The following DLG2 variants were observed in gnomAD, a reference collection of about 807,000 sequenced individuals.
The protein encoded by DLG2 is disks large homolog 2.
In DLG2, 45 loss-of-function variants were observed where a neutral mutation model predicts 132.5. The observed-to-expected ratio is 0.34, with a 90% CI of 0.27 to 0.44. DLG2 has a LOEUF of 0.44. Ranked by LOEUF, DLG2 falls within the 20% of genes least tolerant of loss-of-function variation. The probability of loss-of-function intolerance (pLI) is 1.00; values close to 1 mark genes in which losing one functional copy is unlikely to be tolerated. For synonymous variants in DLG2, 424 were observed against 419.6 expected (o/e 1.01, Z -0.13); for missense variants, 1,045 against 1,196.9 (o/e 0.87, Z 1.87).
At chr11:84,642,367 G>C (rs2099668478) in intron 6 of DLG2, among the ~76,000 whole-genome samples, 2 of 151,716 alleles carry the variant, frequency 1.3e-5, no homozygotes, top group African/African-American at 4.8e-5. Context: ...AAATTGCATA[G>C]GAATAAATTT....
rs765389990 is a variant in DLG2 at position 84,534,747 on chromosome 11, A to G, written c.358-16T>C. 8.1e-6 allele frequency: 13 copies of G among 1,613,340 alleles called. No homozygotes were observed. Among genetic ancestry groups the G allele is most frequent in the Non-Finnish European group, 9.3e-6 (11 of 1,179,306 alleles). ...ATCGATACTTCTAGGAGAAAAGAAA[A>G]GAAAGGACAAGTATGTATATATCAG... On this transcript the variant is annotated splice_polypyrimidine_tract_variant and intron_variant, in intron 6 of 27. Transcript: ENST00000376104.
intron 6 of DLG2, among the ~76,000 whole-genome samples, chr11:84,560,332 A>C (rs553753196): frequency 2.0e-5 from 3 of 152,272 alleles, no homozygotes; most frequent in African/African-American, 4.8e-5. Context: ...ATTCAAGTGA[A>C]TAACTCAGTC....
At chr11:83,581,127 TGA>T (rs1176220358) in intron 19 of DLG2, among the ~76,000 whole-genome samples, 1 of 151,962 alleles carries the variant, frequency 6.6e-6, no homozygotes, top group Non-Finnish European at 1.5e-5. Flanking sequence ...GTTCGAAGGC[TGA>T]GAGAGTCTTG....
At chr11:83,679,000 G>A (rs1401406183) in intron 18 of DLG2, among the ~76,000 whole-genome samples, 1 of 152,090 alleles carries the variant, frequency 6.6e-6, no homozygotes, top group African/African-American at 2.4e-5. Flanking sequence ...CATATGAGGA[G>A]AGGAATCAAA....
At chr11:84,388,272 G>A (rs940041149) in intron 7 of DLG2, among the ~76,000 whole-genome samples, 4 of 152,094 alleles carry the variant, frequency 2.6e-5, no homozygotes, top group Non-Finnish European at 4.4e-5. Flanking sequence ...ATCCTATTGC[G>A]TGATCTAAAC....
At chr11:85,616,651 G>C (rs927128408) in intron 2 of DLG2, among the ~76,000 whole-genome samples, 1 of 152,012 alleles carries the variant, frequency 6.6e-6, no homozygotes, top group Admixed American at 6.6e-5. Flanking sequence ...GAGATTCTCG[G>C]GTACAGGCAG....
At chr11:84,192,121 TGATACAGAA>T (rs1470800208) in intron 8 of DLG2, among the ~76,000 whole-genome samples, 1 of 152,056 alleles carries the variant, frequency 6.6e-6, no homozygotes, top group African/African-American at 2.4e-5. Flanking sequence ...AAAACTAATG[TGATACAGAA>T]GATAAGGAAA....
intron 3 of DLG2, among the ~76,000 whole-genome samples, chr11:85,560,238 C>T (rs1473016683): frequency 6.6e-6 from 1 of 151,680 alleles, no homozygotes; most frequent in Non-Finnish European, 1.5e-5. Flanking sequence ...TAGGAATCTA[C>T]CAAAGACAAA....
intron 6 of DLG2, among the ~76,000 whole-genome samples, chr11:84,899,085 CAGAAT>C (rs1273877325): frequency 6.6e-6 from 1 of 151,942 alleles, no homozygotes; most frequent in Non-Finnish European, 1.5e-5. Flanking sequence ...TTCCGGCCAA[CAGAAT>C]AGATCACTAA....
intron 3 of DLG2, among the ~76,000 whole-genome samples, chr11:85,330,544 G>A (rs1393090105): frequency 1.1e-5 from 1 of 93,124 alleles, no homozygotes; most frequent in African/African-American, 4.1e-5. Context: ...ACCAAACACC[G>A]CATATTCTCA....
intron 18 of DLG2, among the ~76,000 whole-genome samples, chr11:83,765,431 T>C (rs960899223): frequency 6.6e-6 from 1 of 152,234 alleles, no homozygotes; most frequent in Non-Finnish European, 1.5e-5. Flanking sequence ...TTCCATACTA[T>C]AAATACATTC....
chr11:85,396,951 A>G (rs1423186798), intron 3 of DLG2, among the ~76,000 whole-genome samples: 1 of 152,188 alleles, frequency 6.6e-6, no homozygotes, highest in African/African-American at 2.4e-5. Context: ...CTCCTCGAGA[A>G]GAGCAACCCC....
intron 8 of DLG2, among the ~76,000 whole-genome samples, chr11:84,202,687 T>C (rs1423931205): frequency 1.3e-5 from 2 of 151,970 alleles, no homozygotes; most frequent in East Asian, 1.9e-4. Context: ...AGACAACATA[T>C]AAAATGGGAG....
intron 7 of DLG2, among the ~76,000 whole-genome samples, chr11:84,423,215 C>A (rs924912710): frequency 1.3e-5 from 2 of 151,978 alleles, no homozygotes; most frequent in Non-Finnish European, 2.9e-5. Flanking sequence ...GTATTTAATG[C>A]CCATAATTCT....
chr11:85,626,327 A>C (rs2082027201), intron 2 of DLG2, among the ~76,000 whole-genome samples: 1 of 152,214 alleles, frequency 6.6e-6, no homozygotes, highest in Non-Finnish European at 1.5e-5. Context: ...GGAGACTCCA[A>C]ATCTGCGGTA....
At chr11:85,150,309 C>T (rs1276915924) in intron 5 of DLG2, among the ~76,000 whole-genome samples, 5 of 152,120 alleles carry the variant, frequency 3.3e-5, no homozygotes, top group East Asian at 1.9e-4. Context: ...CGTGAGCCAC[C>T]GTGCCCGGCC....
At chr11:84,847,072 G>C (rs945154222) in intron 6 of DLG2, among the ~76,000 whole-genome samples, 1 of 152,068 alleles carries the variant, frequency 6.6e-6, no homozygotes, top group Non-Finnish European at 1.5e-5. Context: ...AGAAACATGA[G>C]AGAGAATAAT....
At chr11:83,963,233 G>A (rs185533149) in intron 13 of DLG2, among the ~76,000 whole-genome samples, 4 of 152,060 alleles carry the variant, frequency 2.6e-5, no homozygotes, top group Admixed American at 2.6e-4. Context: ...CTTAATAATA[G>A]TTAAGTCTGT....
intron 4 of DLG2, among the ~76,000 whole-genome samples, chr11:85,160,484 G>C (rs1364499835): frequency 6.6e-6 from 1 of 152,152 alleles, no homozygotes; most frequent in Admixed American, 6.5e-5. Context: ...CCTGTTATTG[G>C]GCTTTAGTGG....
Sources: allele counts gnomAD v4.1 joint callset (sites outside exome capture counted in the v4.1 genomes callset), GRCh38; gene constraint gnomAD v4.1.1; transcripts MANE v1.5; gene names NCBI Gene and HGNC (gene_info 2026-07-23, HGNC 2026-07-21).